Variants in ZNHIT3 observed in about 807,000 individuals in gnomAD.
The protein encoded by ZNHIT3 is zinc finger HIT domain-containing protein 3.
Under a neutral mutation model 19.9 loss-of-function variants are expected in ZNHIT3, and 27 were observed. The ratio of observed to expected loss-of-function variants is 1.36; its 90% confidence interval spans 1.00 to 1.87. The LOEUF (loss-of-function observed/expected upper bound fraction) is 1.87, where lower values mean the gene tolerates loss of function less well. ZNHIT3 is among the 40% of genes most tolerant of loss of function. The pLI is 0.00. For missense variants in ZNHIT3, 215 were observed against 185.6 expected, an observed-to-expected ratio of 1.16 and a Z score of -0.92; for synonymous variants, 81 against 65.7, an observed-to-expected ratio of 1.23 and a Z score of -1.13.
At position 36,493,985 on chromosome 17, in the gene ZNHIT3, T is replaced by C. The variant is rs770375118; in HGVS notation, c.265T>C (p.Leu89=). 2.5e-6 allele frequency: 4 copies of C among 1,613,344 alleles called. No individual in the cohort carries two copies. The East Asian group carries it at 8.9e-5, about 36-fold the overall frequency. Residue 89 remains leucine (L), a synonymous_variant, in exon 4 of 5, where the codon TTG becomes CTG. Coordinates refer to ENST00000617429, the MANE Select transcript of ZNHIT3 (RefSeq NM_004773.4). The part of the protein sequence containing the change: ...NSDEEEDRVS[L]QNLKNLGESA... ...TGATGAGGAAGAAGACAGAGTTTCTTTGCAGAATTTAAAGAATTTAGGTAA... is the reference window on the plus strand; with the variant it reads ...TGATGAGGAAGAAGACAGAGTTTCTCTGCAGAATTTAAAGAATTTAGGTAA...
chr17:36,488,901 A>G (rs375011575), intron 2 of ZNHIT3, among the ~76,000 whole-genome samples: 1 of 152,224 alleles, frequency 6.6e-6, no homozygotes, highest in African/African-American at 2.4e-5. Flanking sequence ...GTACTGTGTA[A>G]CACTAGAACT....
rs554608095 is a variant in ZNHIT3, at chr17:36,492,438, C to G, written c.119-375C>G. 50 of 204,052 alleles carry G rather than the reference C, an allele frequency of 2.5e-4. 2 individuals are homozygous for G. The Admixed American group carries it at 2.7e-3, about 11-fold the overall frequency. 12.6% of individuals were successfully genotyped at this position (204,052 alleles called of 1,614,324 possible). A position where few individuals can be genotyped will look rare whatever the true frequency, so the allele number is the denominator to read the frequency against. ...TTAGGATTACAGGCGTGAGCCAGCA[C>G]AGCTGGCCTTCTGTTGACTCTGTAA... On this transcript the variant is annotated intron_variant, in intron 2 of 4. Coordinates refer to ENST00000617429, the MANE Select transcript of ZNHIT3 (RefSeq NM_004773.4).
chr17:36,487,012 GC>G, intron 2 of ZNHIT3, 46 bp downstream of exon 2: 3 of 1,603,616 alleles, frequency 1.9e-6, no homozygotes, highest in South Asian at 1.1e-5. Flanking sequence ...GCACGGGGCA[GC>G]CCCCACGTCC....
At chr17:36,496,414 G>C (rs2070975285), downstream of ZNHIT3, 2 of 1,613,740 alleles carry the variant, frequency 1.2e-6, no homozygotes, top group East Asian at 4.5e-5. Context: ...TCCCTAGAGG[G>C]GAGAGAGAGA....
chr17:36,491,670 T>A (rs1446828081), intron 2 of ZNHIT3: 1 of 152,216 alleles, frequency 6.6e-6, no homozygotes, highest in East Asian at 1.9e-4. Context: ...CCTAGGTAGG[T>A]GATCTCTCTT....
chr17:36,496,782 C>A (rs1431147200), downstream of ZNHIT3, among the ~76,000 whole-genome samples: 1 of 152,184 alleles, frequency 6.6e-6, no homozygotes, highest in African/African-American at 2.4e-5. Flanking sequence ...TTACTCCTTG[C>A]TGTGACTCCA....
chr17:36,495,989 A>G (rs1215705951), downstream of ZNHIT3: 2 of 820,800 alleles, frequency 2.4e-6, no homozygotes, highest in South Asian at 3.6e-5. Flanking sequence ...TGATCTGTGA[A>G]GGTAGTGAAA....
intron 2 of ZNHIT3, 22 bp downstream of exon 2, chr17:36,486,988 C>T (rs539591362): frequency 4.3e-5 from 69 of 1,610,432 alleles, no homozygotes; most frequent in Non-Finnish European, 5.6e-5. Context: ...CCCCGCCAGC[C>T]CTCGTACCAC....
rs565510212 is a variant in ZNHIT3, at chr17:36,493,986, T to G, written c.266T>G (p.Leu89Trp). Reference protein sequence around the residue: ...NSDEEEDRVSLQNLKNLGESA... With the variant: ...NSDEEEDRVSWQNLKNLGESA... ...GATGAGGAAGAAGACAGAGTTTCTT[T>G]GCAGAATTTAAAGAATTTAGGTAAG... The change falls in exon 4 of 5, where the codon TTG becomes TGG. Residue 89 changes from leucine to tryptophan, a missense_variant. Leu to Trp is a moderately conservative substitution (Grantham distance 61). Coordinates refer to ENST00000617429, the MANE Select transcript of ZNHIT3 (RefSeq NM_004773.4). 1 of 1,613,274 alleles carries G rather than the reference T, an allele frequency of 6.2e-7. No individual in the cohort carries two copies. The highest frequency in any genetic ancestry group is 1.3e-5 in the African/African-American group (1 of 75,060).
At position 36,486,923 on chromosome 17, in the gene ZNHIT3, C is replaced by G; in HGVS notation, c.87-12C>G. On this transcript the variant is annotated splice_polypyrimidine_tract_variant and intron_variant, in intron 1 of 4. Coordinates refer to ENST00000617429, the MANE Select transcript of ZNHIT3 (RefSeq NM_004773.4). ...TCGGGGCTGACGCGGCCTGTGGCCT[C>G]TGTTGTTACAGCTGCTCGGTAGTCT... 3.1e-6 allele frequency: 5 copies of G among 1,609,340 alleles called. No homozygotes were observed. Among genetic ancestry groups the G allele is most frequent in the African/African-American group, 1.3e-5 (1 of 74,522 alleles).
At chr17:36,486,857 CCGGGCGGGAG>C (rs1357815500) in intron 1 of ZNHIT3, 68 bp from the exon 2 acceptor site, 22 of 1,594,170 alleles carry the variant, frequency 1.4e-5, no homozygotes, top group Non-Finnish European at 1.8e-5. Context: ...GGCCGGGAGG[CCGGGCGGGAG>C]CGGGCGGGCT....
intron 2 of ZNHIT3, among the ~76,000 whole-genome samples, chr17:36,488,055 A>G (rs1253936630): frequency 1.4e-5 from 2 of 147,180 alleles, no homozygotes; most frequent in Non-Finnish European, 3.0e-5. Context: ...CCAGGATCGT[A>G]CCACTGCACT....
downstream of ZNHIT3, chr17:36,498,274 G>A (rs2071188345): frequency 6.2e-7 from 1 of 1,611,048 alleles, no homozygotes; most frequent in African/African-American, 1.3e-5. Flanking sequence ...ACCTGAGGCA[G>A]CGCTCGGATG....
In ZNHIT3 at chr17:36,493,982, T is replaced by C; in HGVS notation, c.262T>C (p.Ser88Pro). Reference protein sequence around the residue: ...LNSDEEEDRVSLQNLKNLGES... With the variant: ...LNSDEEEDRVPLQNLKNLGES... ...TAGTGATGAGGAAGAAGACAGAGTT[T>C]CTTTGCAGAATTTAAAGAATTTAGG... is the stretch of plus-strand genomic sequence containing the variant. The change falls in exon 4 of 5, where the codon TCT becomes CCT. Residue 88 changes from serine to proline, a missense_variant. Coordinates refer to ENST00000617429, the MANE Select transcript of ZNHIT3 (RefSeq NM_004773.4). 3.7e-6 allele frequency: 6 copies of C among 1,613,486 alleles called. No individual in the cohort carries two copies. Among genetic ancestry groups the C allele is most frequent in the Non-Finnish European group, 5.1e-6 (6 of 1,179,432 alleles).
chr17:36,496,472 A>C (rs887826741), downstream of ZNHIT3: 34 of 1,512,448 alleles, frequency 2.2e-5, 1 homozygote, highest in African/African-American at 3.3e-4. Flanking sequence ...TAACAACCCC[A>C]CAGAGCAGAC....
chr17:36,496,132 ACT>A, downstream of ZNHIT3: 2 of 1,361,412 alleles, frequency 1.5e-6, no homozygotes, highest in South Asian at 1.3e-5. Flanking sequence ...TGGAGCCGTC[ACT>A]GTTGTTCATG....
downstream of ZNHIT3, chr17:36,496,380 CT>C: frequency 1.9e-6 from 3 of 1,613,998 alleles, no homozygotes; most frequent in South Asian, 3.3e-5. Context: ...GCAGTGGAGA[CT>C]TTCTGCAGTG....
At chr17:36,498,743 CTG>C (rs557645306), downstream of ZNHIT3, 57 of 644,372 alleles carry the variant, frequency 8.8e-5, no homozygotes, top group African/African-American at 9.8e-4. Context: ...CCCCAGGCAA[CTG>C]TGCTTAGGCC....
Position 36,495,746 on chromosome 17 carries a change from A to AT in ZNHIT3, c.*344dup, listed in dbSNP as rs571628867. The AT allele has an allele frequency of 4.8e-6, 6 of 1,246,246 alleles. No individual in the cohort carries two copies. Among genetic ancestry groups the AT allele is most frequent in the Non-Finnish European group, 4.0e-6 (4 of 996,430 alleles). 77.2% of individuals were successfully genotyped at this position (1,246,246 alleles called of 1,614,324 possible). On this transcript the variant is annotated 3_prime_UTR_variant, in exon 5 of 5. Coordinates refer to ENST00000617429, the MANE Select transcript of ZNHIT3 (RefSeq NM_004773.4). ...TCAGTGTTAATAAAATCAAAACGTG[A>AT]TTCTACTGTACATTGCATTATTCAT... is the stretch of plus-strand genomic sequence containing the variant.
Sources: gnomAD v4.1 joint callset for allele counts (sites outside exome capture counted in the v4.1 genomes callset) on GRCh38, gnomAD v4.1.1 for gene constraint, MANE v1.5 for transcripts, NCBI Gene and HGNC (gene_info 2026-07-23, HGNC 2026-07-21) for gene names.